The following PATL1 variants were observed in gnomAD, a reference collection of about 807,000 sequenced individuals.
PATL1 encodes the protein PAT1 homolog 1, processing body mRNA decay factor.
A neutral mutation model predicts 100.6 loss-of-function variants in PATL1; 32 were observed. The observed-to-expected ratio is 0.32, with a 90% CI of 0.24 to 0.43. The LOEUF (loss-of-function observed/expected upper bound fraction) is 0.43. Among genes scored for constraint, PATL1 ranks in the 20% least tolerant of loss-of-function variants. The probability of loss-of-function intolerance (pLI) is 1.00; values close to 1 mark genes in which losing one functional copy is unlikely to be tolerated. For synonymous variants in PATL1, 332 were observed against 330.0 expected (o/e 1.01, Z -0.07); for missense variants, 747 against 949.9 (o/e 0.79, Z 2.81).
At chr11:59,638,727 C>A (rs957769708) in intron 18 of PATL1, among the ~76,000 whole-genome samples, 2 of 152,124 alleles carry the variant, frequency 1.3e-5, no homozygotes, top group African/African-American at 2.4e-5. Context: ...GTCACCCAGG[C>A]TGGAGTGCAG....
At chr11:59,651,448 A>G in intron 12 of PATL1, 96 bp downstream of exon 12, 2 of 976,550 alleles carry the variant, frequency 2.0e-6, no homozygotes, top group Non-Finnish European at 3.1e-6. Flanking sequence ...TTAGACTACA[A>G]ACAACTCTAC....
chr11:59,640,770 T>C (rs1218038828), intron 16 of PATL1, among the ~76,000 whole-genome samples: 2 of 152,072 alleles, frequency 1.3e-5, no homozygotes, highest in South Asian at 2.1e-4. Context: ...TGGTGGCTCA[T>C]GCCTGTAATT....
rs778458418 is a variant in PATL1, at chr11:59,643,076, T to C, written c.1894-41A>G. On this transcript the variant is annotated intron_variant, in intron 15 of 18. Transcript: ENST00000300146. ...AAAAGCATTATATCCTGGCACGTGTTACTTCAGTTACCCCCCACCAGGGGC... is the reference window on the plus strand; with the variant it reads ...AAAAGCATTATATCCTGGCACGTGTCACTTCAGTTACCCCCCACCAGGGGC... 3.8e-6 allele frequency: 6 copies of C among 1,591,916 alleles called. No individual in the cohort carries two copies. In the Admixed American group the frequency reaches 1.0e-4, roughly 28 times the overall value.
Position 59,656,019 on chromosome 11 carries a change from A to C in PATL1, c.750T>G (p.Phe250Leu). Residue 250 changes from phenylalanine (F) to leucine (L), a missense_variant, in exon 7 of 19, where the codon TTT becomes TTG. Transcript: ENST00000300146. ...TGAGAACAGGAGGAACACTAGGAGG[A>C]AAAGGGTGACCCAGGAGGGAAGAGT... ...VPNSSLLGHP[F>L]PPSVPPVLSP... 6.4e-7 allele frequency: 1 copy of C among 1,553,480 alleles called. No individual in the cohort carries two copies. Among genetic ancestry groups the C allele is most frequent in the Non-Finnish European group, 8.7e-7 (1 of 1,152,470 alleles).
At chr11:59,655,815 C>A in intron 7 of PATL1, 75 bp from the exon 8 acceptor site, 2 of 1,426,440 alleles carry the variant, frequency 1.4e-6, no homozygotes, top group South Asian at 2.5e-5. Flanking sequence ...AAAGTGAATA[C>A]GGTTTTCCAT....
rs543258146 is a variant in PATL1, at chr11:59,640,240, C to T, written c.2050-857G>A. ...CCTGTAATCCCAGCTACTTGGGAGGCTGAGGCAGGAGAATTGTTGGAACCC... is the reference window on the plus strand; with the variant it reads ...CCTGTAATCCCAGCTACTTGGGAGGTTGAGGCAGGAGAATTGTTGGAACCC... On this transcript the variant is annotated intron_variant, in intron 16 of 18. Coordinates refer to ENST00000300146, the MANE Select transcript of PATL1 (RefSeq NM_152716.3). Among the ~76,000 whole-genome samples the T allele has an allele frequency of 3.3e-5, 5 of 151,562 alleles. No individual in the cohort carries two copies. In the South Asian group the frequency reaches 1.0e-3, roughly 32 times the overall value.
intron 16 of PATL1, among the ~76,000 whole-genome samples, chr11:59,641,125 A>G (rs555588354): frequency 6.6e-6 from 1 of 152,030 alleles, no homozygotes; most frequent in South Asian, 2.1e-4. Context: ...GAGACAAGAT[A>G]TCGCCATTGC....
intron 2 of PATL1, among the ~76,000 whole-genome samples, chr11:59,660,189 G>T (rs1484743609): frequency 6.6e-6 from 1 of 152,140 alleles, no homozygotes. Context: ...GATTTTAAGT[G>T]CCACATTCTT....
rs577334032 is a variant in PATL1, at chr11:59,662,142, T to C, written c.128-2673A>G. 1.6e-3 allele frequency among the ~76,000 whole-genome samples: 244 copies of C among 152,360 alleles called. 1 individual carries two copies. The highest frequency in any genetic ancestry group is 5.6e-3 in the African/African-American group (232 of 41,578). ...GTGAGGGAAGTGGGACTTTCAAATA[T>C]ATAATTTTGGTATCATAGGACCCAC... On this transcript the variant is annotated intron_variant, in intron 2 of 18. Transcript: ENST00000300146.
rs375232526 is a variant in PATL1 at position 59,657,680 on chromosome 11, C to T, written c.471G>A (p.Arg157=). 1.2e-5 allele frequency: 19 copies of T among 1,613,414 alleles called. No individual in the cohort carries two copies. Among genetic ancestry groups the T allele is most frequent in the East Asian group, 2.2e-5 (1 of 44,872 alleles). The change falls in exon 5 of 19, where the codon AGG becomes AGA. Residue 157 remains arginine, a synonymous_variant. Transcript: ENST00000300146. ...VSVLEYALPQ[R]PPQGPEDDRD... ...GATCATCTTCTGGACCCTGGGGGGG[C>T]CTCTGAGGCAAAGCATATTCTAATA...
At position 59,637,709 on chromosome 11, in the gene PATL1, TTC is replaced by T. The variant is rs1861212231; in HGVS notation, c.*679_*680del. ...GACCTGGGCATAAGCCAATTAAGAG[TTC>T]TGATTTTATTAAACGTGCTGCATAC... On this transcript the variant is annotated 3_prime_UTR_variant, in exon 19 of 19. Transcript: ENST00000300146. The T allele has an allele frequency of 6.6e-6, 1 of 152,014 alleles. No homozygotes were observed. The highest frequency in any genetic ancestry group is 2.1e-4 in the South Asian group (1 of 4,812). The allele number at this position is 152,014 out of a possible 1,614,324, so 9.4% of individuals were successfully genotyped here. A position where few individuals can be genotyped will look rare whatever the true frequency, so the allele number is the denominator to read the frequency against.
At chr11:59,650,417 T>C (rs1234007710) in intron 13 of PATL1, among the ~76,000 whole-genome samples, 1 of 152,216 alleles carries the variant, frequency 6.6e-6, no homozygotes, top group Non-Finnish European at 1.5e-5. Flanking sequence ...GTGAACTAAA[T>C]TAATCCACAG....
At chr11:59,667,984 G>A (rs926362089) in intron 1 of PATL1, among the ~76,000 whole-genome samples, 1 of 152,152 alleles carries the variant, frequency 6.6e-6, no homozygotes, top group Non-Finnish European at 1.5e-5. Flanking sequence ...TGTTTACAAT[G>A]GAAAGATTAG....
At chr11:59,657,282 T>C (rs2134754901) in intron 5 of PATL1, among the ~76,000 whole-genome samples, 1 of 152,310 alleles carries the variant, frequency 6.6e-6, no homozygotes. Context: ...TCAAAAAGGA[T>C]ATATGTGCTA....
chr11:59,668,835 G>A (rs1291590665), intron 1 of PATL1, 46 bp downstream of exon 1: 1 of 1,251,524 alleles, frequency 8.0e-7, no homozygotes, highest in Admixed American at 2.3e-5. Flanking sequence ...TGAGGGAGAG[G>A]GGCGCGGGAG....
intron 2 of PATL1, among the ~76,000 whole-genome samples, chr11:59,660,436 T>C (rs946717875): frequency 3.9e-5 from 6 of 152,252 alleles, no homozygotes; most frequent in African/African-American, 7.2e-5. Flanking sequence ...GAAAGGCAGA[T>C]TGAAAATTTA....
chr11:59,644,907 T>TC (rs1861339090), intron 15 of PATL1, among the ~76,000 whole-genome samples: 1 of 144,538 alleles, frequency 6.9e-6, no homozygotes, highest in African/African-American at 2.6e-5. Context: ...TTTTTTTTTT[T>TC]TTAAAAAAAA....
In PATL1 at chr11:59,654,073, C is replaced by G. The variant is rs1861486966; in HGVS notation, c.1032-1G>C. 1 of 1,612,018 alleles carries G rather than the reference C, an allele frequency of 6.2e-7. No homozygotes were observed. The highest frequency in any genetic ancestry group is 8.5e-7 in the Non-Finnish European group (1 of 1,178,236). ...CGGTCTAAACATTGGGGCCTGAGAT[C>G]TAAGAAAAACGGAAAAGAGGTTCTC... On this transcript the variant is annotated splice_acceptor_variant, in intron 8 of 18. Coordinates refer to ENST00000300146, the MANE Select transcript of PATL1 (RefSeq NM_152716.3). LOFTEE classifies it high-confidence loss of function.
chr11:59,648,079 A>G (rs1444902124), intron 14 of PATL1, among the ~76,000 whole-genome samples, 166 bp from the exon 15 acceptor site: 1 of 152,176 alleles, frequency 6.6e-6, no homozygotes, highest in Non-Finnish European at 1.5e-5. Flanking sequence ...AACCAAATAA[A>G]AAGTAAATTT....
Sources: allele counts gnomAD v4.1 joint callset (sites outside exome capture counted in the v4.1 genomes callset), GRCh38; gene constraint gnomAD v4.1.1; transcripts MANE v1.5; gene names NCBI Gene and HGNC (gene_info 2026-07-23, HGNC 2026-07-21).